Variants in HPGDS observed in about 807,000 individuals in gnomAD.
HPGDS encodes the protein GST class-sigma.
HPGDS carries 26 observed loss-of-function variants against 23.1 expected under a neutral mutation model. The ratio of observed to expected loss-of-function variants is 1.13; its 90% CI spans 0.83 to 1.56. The LOEUF is 1.56. HPGDS is among the 40% of genes most tolerant of loss of function. The pLI, the probability that HPGDS is intolerant of heterozygous loss-of-function variation, is 0.00. For synonymous variants in HPGDS, 95 were observed against 77.9 expected (o/e 1.22, Z -1.16); for missense variants, 268 against 236.4 (o/e 1.13, Z -0.88).
At chr4:94,318,099 C>A in intron 2 of HPGDS, 134 bp from the exon 3 acceptor site, 1 of 640,460 alleles carries the variant, frequency 1.6e-6, no homozygotes, top group Non-Finnish European at 2.8e-6. Context: ...TTTAAAGGAA[C>A]ACTTGACAAC....
chr4:94,312,578 G>A (rs28893245), intron 3 of HPGDS, among the ~76,000 whole-genome samples: 26,077 of 152,042 alleles, frequency 0.17, 2,402 homozygotes, highest in Middle Eastern at 0.23. Context: ...CAACTTTGGA[G>A]TAAGTGTGGT....
intron 4 of HPGDS, among the ~76,000 whole-genome samples, chr4:94,308,207 C>A (rs1327886484): frequency 6.6e-6 from 1 of 152,080 alleles, no homozygotes; most frequent in African/African-American, 2.4e-5. Context: ...GTGTTAAGTA[C>A]TTACATGTGG....
At chr4:94,335,374 A>G (rs114109045) in intron 1 of HPGDS, among the ~76,000 whole-genome samples, 5,749 of 152,332 alleles carry the variant, frequency 0.038, 354 homozygotes, top group African/African-American at 0.13. Flanking sequence ...GAATTCAGTC[A>G]TTATAATTTT....
chr4:94,323,921 G>T (rs1033209253), intron 2 of HPGDS, among the ~76,000 whole-genome samples: 3 of 152,094 alleles, frequency 2.0e-5, no homozygotes, highest in African/African-American at 7.2e-5. Flanking sequence ...TCCATGTTTA[G>T]TGCTTCCTTC....
chr4:94,331,091 A>G (rs1282102738), intron 2 of HPGDS, among the ~76,000 whole-genome samples: 24 of 152,218 alleles, frequency 1.6e-4, no homozygotes, highest in Non-Finnish European at 1.9e-4. Context: ...TCAGCAGTAT[A>G]TGAGTGGTTG....
At chr4:94,338,213 C>T (rs1721062648) in intron 1 of HPGDS, among the ~76,000 whole-genome samples, 1 of 152,124 alleles carries the variant, frequency 6.6e-6, no homozygotes, top group Admixed American at 6.5e-5. Flanking sequence ...CACTTGAGGT[C>T]AGGAGTTTGA....
chr4:94,320,051 G>T (rs920345277), intron 2 of HPGDS, among the ~76,000 whole-genome samples: 2 of 152,058 alleles, frequency 1.3e-5, no homozygotes, highest in South Asian at 2.1e-4. Context: ...TCAGAATGAT[G>T]GTTTCCAGCT....
chr4:94,320,551 A>C (rs1579439557), intron 2 of HPGDS, among the ~76,000 whole-genome samples: 1 of 152,172 alleles, frequency 6.6e-6, no homozygotes, highest in East Asian at 1.9e-4. Flanking sequence ...TTGACTGCAT[A>C]AATGTCTTTT....
intron 3 of HPGDS, among the ~76,000 whole-genome samples, chr4:94,314,623 A>G (rs1756355999): frequency 6.6e-6 from 1 of 152,124 alleles, no homozygotes; most frequent in African/African-American, 2.4e-5. Flanking sequence ...CCATTCTCAG[A>G]TCTCAAGCTG....
intron 3 of HPGDS, among the ~76,000 whole-genome samples, chr4:94,309,050 C>CTTTTT (rs34427506): frequency 3.2e-5 from 1 of 31,014 alleles, no homozygotes; most frequent in Non-Finnish European, 5.8e-5. Context: ...GGTGTACTTG[C>CTTTTT]TTTTTTTTTT....
chr4:94,305,389 A>T lies in HPGDS; in HGVS notation c.337-3145T>A, dbSNP rs375060790. Among the ~76,000 whole-genome samples, 45 of 152,154 alleles carry T rather than the reference A, an allele frequency of 3.0e-4. No individual in the cohort carries two copies. In the East Asian group the frequency reaches 8.1e-3, roughly 27 times the overall value. Reference sequence around the variant, plus strand: ...ATACGTGTGTGTGTGGGCAGACCCTACACACCTTACATTTATATCATGGAG... The same window carrying T: ...ATACGTGTGTGTGTGGGCAGACCCTTCACACCTTACATTTATATCATGGAG... On this transcript the variant is annotated intron_variant, in intron 4 of 5. Transcript: ENST00000295256.
intron 2 of HPGDS, among the ~76,000 whole-genome samples, chr4:94,333,503 G>A (rs976162299): frequency 6.6e-6 from 1 of 152,150 alleles, no homozygotes; most frequent in African/African-American, 2.4e-5. Flanking sequence ...ACAACTGTAT[G>A]GAGCAAAATC....
intron 3 of HPGDS, among the ~76,000 whole-genome samples, chr4:94,309,189 T>C (rs930804947): frequency 1.3e-5 from 2 of 151,796 alleles, no homozygotes; most frequent in Non-Finnish European, 2.9e-5. Context: ...GTTACATATG[T>C]ATACATGTGC....
In HPGDS at chr4:94,330,227, G is replaced by T. The variant is rs137940662; in HGVS notation, c.133+4270C>A. Among the ~76,000 whole-genome samples, 50 of 152,288 alleles carry T rather than the reference G, an allele frequency of 3.3e-4. No homozygotes were observed. The East Asian group carries it at 8.5e-3, about 26-fold the overall frequency. ...ATCACAGATGGTCCAGGGAAGAATG[G>T]CATCTAAATCAAGAAGTAGAGTCAG... On this transcript the variant is annotated intron_variant, in intron 2 of 5. Coordinates refer to ENST00000295256, the MANE Select transcript of HPGDS (RefSeq NM_014485.3).
chr4:94,308,159 A>T lies in HPGDS; in HGVS notation c.336+475T>A, dbSNP rs150961896. ...TACACATAGCCAAAGGTAATTTTATACAGTATTTTCAATAATTTTGCACAT... is the reference window on the plus strand; with the variant it reads ...TACACATAGCCAAAGGTAATTTTATTCAGTATTTTCAATAATTTTGCACAT... On this transcript the variant is annotated intron_variant, in intron 4 of 5. Coordinates refer to ENST00000295256, the MANE Select transcript of HPGDS (RefSeq NM_014485.3). Among the ~76,000 whole-genome samples the T allele has an allele frequency of 7.2e-5, 11 of 152,302 alleles. No individual in the cohort carries two copies. In the East Asian group the frequency reaches 2.1e-3, roughly 29 times the overall value.
At chr4:94,338,472 A>G (rs559049956) in intron 1 of HPGDS, among the ~76,000 whole-genome samples, 55 of 152,334 alleles carry the variant, frequency 3.6e-4, no homozygotes, top group African/African-American at 1.3e-3. Context: ...ATCTCAATAG[A>G]TACTAAATGC....
At position 94,299,403 on chromosome 4, in the gene HPGDS, G is replaced by A. The variant is rs532754021; in HGVS notation, c.*77C>T. The A allele has an allele frequency of 1.8e-5, 23 of 1,274,530 alleles. No homozygotes were observed. The African/African-American group carries it at 3.4e-4, about 19-fold the overall frequency. 79.0% of individuals were successfully genotyped at this position (1,274,530 alleles called of 1,614,324 possible). On this transcript the variant is annotated 3_prime_UTR_variant, in exon 6 of 6. Transcript: ENST00000295256. ...TGGGGAGGGAGCATGTGGATTATCTGGCAGGCTGATGTAGCTGTCTTATCT... is the reference window on the plus strand; with the variant it reads ...TGGGGAGGGAGCATGTGGATTATCTAGCAGGCTGATGTAGCTGTCTTATCT...
chr4:94,312,087 A>C (rs1443973054), intron 3 of HPGDS, among the ~76,000 whole-genome samples: 8 of 152,038 alleles, frequency 5.3e-5, no homozygotes, highest in African/African-American at 1.7e-4. Flanking sequence ...TTCAAAAAAT[A>C]AGCTCCTGGA....
At chr4:94,309,272 C>G (rs959130653) in intron 3 of HPGDS, among the ~76,000 whole-genome samples, 1 of 138,178 alleles carries the variant, frequency 7.2e-6, no homozygotes, top group Non-Finnish European at 1.6e-5. Flanking sequence ...CCTCCCGCCT[C>G]CCCCCACCCC....
Sources: gnomAD v4.1 joint callset for allele counts (sites outside exome capture counted in the v4.1 genomes callset) on GRCh38, gnomAD v4.1.1 for gene constraint, MANE v1.5 for transcripts, NCBI Gene and HGNC (gene_info 2026-07-23, HGNC 2026-07-21) for gene names.